NELL1: variants seen among roughly 807,000 people sequenced by gnomAD.
The protein encoded by NELL1 is protein kinase C-binding protein NELL1.
Under a neutral mutation model 107.4 loss-of-function variants are expected in NELL1, and 76 were observed. The ratio of observed to expected loss-of-function variants is 0.71; its 90% CI spans 0.59 to 0.86. The LOEUF (loss-of-function observed/expected upper bound fraction) is 0.86, where lower values mean the gene tolerates loss of function less well. Among genes scored for constraint, NELL1 ranks in the 40% least tolerant of loss-of-function variants. The probability of loss-of-function intolerance (pLI) is 0.00; values close to 1 mark genes in which losing one functional copy is unlikely to be tolerated. For missense variants in NELL1, 1,024 were observed against 1,005.5 expected, an observed-to-expected ratio of 1.02 and a Z score of -0.25; for synonymous variants, 353 against 341.2, an observed-to-expected ratio of 1.03 and a Z score of -0.38.
chr11:21,450,228 A>G (rs1853544021), intron 15 of NELL1, among the ~76,000 whole-genome samples: 1 of 152,238 alleles, frequency 6.6e-6, no homozygotes, highest in Non-Finnish European at 1.5e-5. Flanking sequence ...AGCAAAACTC[A>G]GAAAGAACTG....
intron 16 of NELL1, among the ~76,000 whole-genome samples, chr11:21,536,898 T>A (rs1419066580): frequency 6.6e-6 from 1 of 152,134 alleles, no homozygotes; most frequent in East Asian, 1.9e-4. Context: ...GGTGCTCATT[T>A]CTCTCTAACA....
intron 2 of NELL1, among the ~76,000 whole-genome samples, chr11:20,761,495 C>G (rs1346641585): frequency 1.3e-5 from 2 of 152,082 alleles, no homozygotes; most frequent in African/African-American, 4.8e-5. Flanking sequence ...CTTGAGAATA[C>G]CAGGGTTCAT....
At chr11:21,202,261 T>A (rs1857286825) in intron 13 of NELL1, among the ~76,000 whole-genome samples, 1 of 152,154 alleles carries the variant, frequency 6.6e-6, no homozygotes, top group Admixed American at 6.6e-5. Flanking sequence ...GGTCCTGGAC[T>A]TTTTTTGGTT....
intron 14 of NELL1, among the ~76,000 whole-genome samples, chr11:21,232,945 T>C (rs1352203047): frequency 6.6e-6 from 1 of 152,178 alleles, no homozygotes; most frequent in Non-Finnish European, 1.5e-5. Flanking sequence ...GAGGCACTGC[T>C]CTCAGCAGAA....
rs185175840 is a variant in NELL1 at position 21,409,543 on chromosome 11, G to T, written c.1645+38595G>T. Among the ~76,000 whole-genome samples the T allele has an allele frequency of 2.8e-4, 43 of 151,456 alleles. 1 individual carries two copies. In the East Asian group the frequency reaches 8.2e-3, roughly 29 times the overall value. ...ACATGTATACATATGTAACTATCCT[G>T]CATATTGTGCACATGTACCCTAAAA... On this transcript the variant is annotated intron_variant, in intron 15 of 19. Coordinates refer to ENST00000357134, the MANE Select transcript of NELL1 (RefSeq NM_006157.5).
At chr11:21,530,724 C>G (rs763199179) in intron 15 of NELL1, among the ~76,000 whole-genome samples, 62 of 151,964 alleles carry the variant, frequency 4.1e-4, no homozygotes, top group Non-Finnish European at 3.2e-4. Flanking sequence ...TACATAATGT[C>G]TTTTAGAGGA....
At chr11:21,130,360 G>T (rs189301243) in intron 13 of NELL1, among the ~76,000 whole-genome samples, 1 of 152,070 alleles carries the variant, frequency 6.6e-6, no homozygotes, top group African/African-American at 2.4e-5. Flanking sequence ...ATCTAATAAG[G>T]TTTTACTAAT....
In NELL1 at chr11:21,177,223, C is replaced by T. The variant is rs75988704; in HGVS notation, c.1427-52109C>T. Among the ~76,000 whole-genome samples the T allele has an allele frequency of 5.2e-3, 792 of 151,792 alleles. 35 individuals are homozygous for T. The highest frequency in any genetic ancestry group is 0.019 in the African/African-American group (764 of 41,158). On this transcript the variant is annotated intron_variant, in intron 13 of 19. Coordinates refer to ENST00000357134, the MANE Select transcript of NELL1 (RefSeq NM_006157.5). ...AACTGATTTTTTTGTCTAACTGAAG[C>T]TTTGTACATTTTGACCAATATCTCC...
At chr11:21,010,808 G>C (rs1852430207) in intron 12 of NELL1, among the ~76,000 whole-genome samples, 1 of 152,062 alleles carries the variant, frequency 6.6e-6, no homozygotes, top group Non-Finnish European at 1.5e-5. Context: ...CAGATAATTA[G>C]AAAACAGCAA....
At chr11:20,888,721 T>C (rs1849559446) in intron 5 of NELL1, among the ~76,000 whole-genome samples, 1 of 152,184 alleles carries the variant, frequency 6.6e-6, no homozygotes, top group African/African-American at 2.4e-5. Context: ...TTTTCTGCTT[T>C]GACCTGGCTA....
At chr11:20,670,371 AAGGGCTGGGCGAACAATTATCTG>A (rs1853870291) in intron 1 of NELL1, 1 of 152,476 alleles carries the variant, frequency 6.6e-6, no homozygotes, top group Non-Finnish European at 1.5e-5. Flanking sequence ...CTTTGCTCCC[AAGGGCTGGGCGAACAATTATCTG>A]AGGGAAATAG....
At chr11:21,210,873 T>C (rs563007536) in intron 13 of NELL1, among the ~76,000 whole-genome samples, 6 of 152,072 alleles carry the variant, frequency 3.9e-5, no homozygotes, top group Non-Finnish European at 8.8e-5. Context: ...TTCTGGGGGG[T>C]CTTAGTTCTT....
chr11:21,334,002 T>C (rs553640223), intron 14 of NELL1, among the ~76,000 whole-genome samples: 46 of 152,166 alleles, frequency 3.0e-4, no homozygotes, highest in African/African-American at 1.0e-3. Context: ...TTAAGGGCCA[T>C]AGAAATTTCT....
intron 12 of NELL1, among the ~76,000 whole-genome samples, chr11:21,027,538 G>C (rs1257234022): frequency 6.6e-6 from 1 of 151,714 alleles, no homozygotes; most frequent in Non-Finnish European, 1.5e-5. Context: ...TTAGGCCATA[G>C]TTGACACTGA....
At chr11:20,705,484 C>T (rs1256562222) in intron 2 of NELL1, among the ~76,000 whole-genome samples, 1 of 150,822 alleles carries the variant, frequency 6.6e-6, no homozygotes, top group African/African-American at 2.5e-5. Context: ...GAAACTGGAT[C>T]CCTTCCTTAC....
intron 7 of NELL1, among the ~76,000 whole-genome samples, chr11:20,921,735 C>G (rs964493909): frequency 2.0e-5 from 3 of 149,630 alleles, no homozygotes; most frequent in African/African-American, 7.4e-5. Context: ...GAACATAGAA[C>G]TTGTAGTAAC....
intron 3 of NELL1, among the ~76,000 whole-genome samples, chr11:20,820,641 T>C (rs570415779): frequency 6.6e-6 from 1 of 152,312 alleles, no homozygotes; most frequent in South Asian, 2.1e-4. Context: ...TCAGCCACAG[T>C]GGCCTCCCTG....
At chr11:20,972,254 A>C (rs1032636333) in intron 12 of NELL1, among the ~76,000 whole-genome samples, 1 of 152,236 alleles carries the variant, frequency 6.6e-6, no homozygotes, top group Non-Finnish European at 1.5e-5. Context: ...AAAAGATTTA[A>C]GGCAGAATCC....
chr11:21,303,070 CTCTATA>C (rs3993104), intron 14 of NELL1, among the ~76,000 whole-genome samples: 20,557 of 147,486 alleles, frequency 0.14, 1,537 homozygotes, highest in East Asian at 0.21. Context: ...CTCTCTTTTG[CTCTATA>C]TCTATATCTA....
Sources: allele counts gnomAD v4.1 joint callset (sites outside exome capture counted in the v4.1 genomes callset), GRCh38; gene constraint gnomAD v4.1.1; transcripts MANE v1.5; gene names NCBI Gene and HGNC (gene_info 2026-07-23, HGNC 2026-07-21).